The following RBM26 variants were observed in gnomAD, a reference collection of about 807,000 sequenced individuals.
The protein encoded by RBM26 is RNA binding motif protein 26.
A neutral mutation model predicts 123.6 loss-of-function variants in RBM26; 30 were observed. The ratio of observed to expected loss-of-function variants is 0.24; its 90% CI spans 0.18 to 0.33. RBM26 has a LOEUF of 0.33. Ranked by LOEUF, RBM26 falls within the 10% of genes least tolerant of loss-of-function variation. The probability of loss-of-function intolerance (pLI) is 1.00; values close to 1 mark genes in which losing one functional copy is unlikely to be tolerated. For synonymous variants in RBM26, 400 were observed against 404.4 expected (o/e 0.99, Z 0.13); for missense variants, 947 against 1,203.6 (o/e 0.79, Z 3.15).
intron 9 of RBM26, among the ~76,000 whole-genome samples, chr13:79,365,127 G>A (rs1264024718): frequency 6.6e-6 from 1 of 152,086 alleles, no homozygotes; most frequent in Non-Finnish European, 1.5e-5. Context: ...ACGGGGGAAC[G>A]AAGGATACAG....
intron 11 of RBM26, among the ~76,000 whole-genome samples, chr13:79,356,896 GTTAA>G (rs893390219): frequency 4.5e-4 from 69 of 152,246 alleles, no homozygotes; most frequent in African/African-American, 1.6e-3. Flanking sequence ...TACCAGTGTA[GTTAA>G]TTGTGTGAAG....
At chr13:79,314,982 G>A, downstream of RBM26, 1 of 1,301,106 alleles carries the variant, frequency 7.7e-7, no homozygotes, top group Non-Finnish European at 1.0e-6. Flanking sequence ...AGGCAATGAT[G>A]ATCTCTCTCT....
intron 1 of RBM26, among the ~76,000 whole-genome samples, chr13:79,394,211 T>C (rs767018309): frequency 6.6e-6 from 1 of 152,212 alleles, no homozygotes; most frequent in Non-Finnish European, 1.5e-5. Flanking sequence ...TCCTTACGAC[T>C]TACCATATGC....
At chr13:79,349,385 A>G (rs548674227) in intron 14 of RBM26, among the ~76,000 whole-genome samples, 7 of 152,292 alleles carry the variant, frequency 4.6e-5, no homozygotes, top group African/African-American at 7.2e-5. Flanking sequence ...CTCTGCTTCT[A>G]TGAGTTCAAC....
intron 1 of RBM26, among the ~76,000 whole-genome samples, chr13:79,379,298 C>A (rs2076890038): frequency 6.7e-6 from 1 of 148,626 alleles, no homozygotes; most frequent in African/African-American, 2.5e-5. Context: ...CCTTGGGAGA[C>A]CTAGGCGGGC....
Position 79,320,600 on chromosome 13 carries a change from G to A in RBM26, c.*21C>T, listed in dbSNP as rs754606662. On this transcript the variant is annotated 3_prime_UTR_variant, in exon 22 of 22. Coordinates refer to ENST00000438737, the MANE Select transcript of RBM26 (RefSeq NM_001366735.2). ...AAACACAGGTAGAGTTCTAGCATAT[G>A]CAGATCAATGATCAGTCAAATCATC... 1.3e-6 allele frequency: 2 copies of A among 1,570,220 alleles called. No individual in the cohort carries two copies. Among genetic ancestry groups the A allele is most frequent in the Admixed American group, 4.0e-5 (2 of 50,616 alleles).
chr13:79,318,848 A>T, downstream of RBM26: 1 of 976,474 alleles, frequency 1.0e-6, no homozygotes. Context: ...AAGAAACGTG[A>T]GCCTCTGCCA....
In RBM26 at chr13:79,328,683, TA is replaced by T. The variant is rs747906560; in HGVS notation, c.2820+5660del. The stretch of plus-strand genomic sequence containing the variant: ...ATATACAAAGAGCCCCTGCATTAAG[TA>T]AAAAAAAAAAAAAAAAAAAAAAAGA... On this transcript the variant is annotated intron_variant, in intron 20 of 21. Coordinates refer to ENST00000438737, the MANE Select transcript of RBM26 (RefSeq NM_001366735.2). Among the ~76,000 whole-genome samples, 261 of 38,476 alleles carry T rather than the reference TA, an allele frequency of 6.8e-3. 2 individuals carry two copies. In the East Asian group the frequency reaches 0.069, roughly 10 times the overall value. 25.2% of individuals were successfully genotyped at this position (38,476 alleles called of 152,430 possible). A position where few individuals can be genotyped will look rare whatever the true frequency, so the allele number is the denominator to read the frequency against.
At chr13:79,377,981 C>A (rs1329697730) in intron 2 of RBM26, among the ~76,000 whole-genome samples, 2 of 152,138 alleles carry the variant, frequency 1.3e-5, no homozygotes, top group African/African-American at 2.4e-5. Context: ...AGCTTCCCAA[C>A]CAGTGTGCCA....
intron 1 of RBM26, among the ~76,000 whole-genome samples, chr13:79,392,072 CAATAATACATA>C (rs2078076737): frequency 1.5e-5 from 2 of 129,062 alleles, no homozygotes; most frequent in Admixed American, 8.0e-5. Context: ...ATGTATTATA[CAATAATACATA>C]ATTATATAAT....
chr13:79,339,549 T>A (rs1333170029), intron 18 of RBM26, among the ~76,000 whole-genome samples: 4 of 152,100 alleles, frequency 2.6e-5, no homozygotes, highest in Non-Finnish European at 5.9e-5. Flanking sequence ...TTTGTCAATA[T>A]AACAAAATAA....
intron 1 of RBM26, among the ~76,000 whole-genome samples, chr13:79,395,088 CTTA>C (rs2078439960): frequency 6.6e-6 from 1 of 152,184 alleles, no homozygotes; most frequent in Non-Finnish European, 1.5e-5. Context: ...GGCATGCCCC[CTTA>C]CTGAAAATAA....
At chr13:79,404,010 C>A (rs1310251646) in intron 1 of RBM26, among the ~76,000 whole-genome samples, 1 of 152,170 alleles carries the variant, frequency 6.6e-6, no homozygotes, top group Non-Finnish European at 1.5e-5. Flanking sequence ...CCTACCTACA[C>A]ACTTTTTCTA....
At chr13:79,401,424 T>C (rs1432254109) in intron 1 of RBM26, among the ~76,000 whole-genome samples, 1 of 152,198 alleles carries the variant, frequency 6.6e-6, no homozygotes, top group East Asian at 1.9e-4. Context: ...CACACAGCTC[T>C]AGAGTCAAAA....
intron 1 of RBM26, among the ~76,000 whole-genome samples, chr13:79,382,210 TA>T (rs910508570): frequency 3.7e-4 from 56 of 152,212 alleles, no homozygotes; most frequent in Admixed American, 2.7e-3. Flanking sequence ...ATTAACTAAT[TA>T]AAAAAACTAT....
Position 79,358,284 on chromosome 13 carries a change from A to G in RBM26, c.1679T>C (p.Val560Ala). 1 of 1,603,030 alleles carries G rather than the reference A, an allele frequency of 6.2e-7. No individual in the cohort carries two copies. Among genetic ancestry groups the G allele is most frequent in the Non-Finnish European group, 8.5e-7 (1 of 1,176,514 alleles). ...TTTCATGGCTCTTACCTGTAAGTTAACCAAGGTTCCAAATCGACTAAAATG... is the reference window on the plus strand; with the variant it reads ...TTTCATGGCTCTTACCTGTAAGTTAGCCAAGGTTCCAAATCGACTAAAATG... The part of the protein sequence containing the change: ...NEHFSRFGTL[V>A]NLQVAYNGDP... The change falls in exon 11 of 22, where the codon GTT becomes GCT. Residue 560 changes from valine to alanine, a missense_variant. Physicochemically the swap from Val to Ala is moderately conservative, Grantham distance 64. Transcript: ENST00000438737.
At chr13:79,402,084 G>A (rs963581779) in intron 1 of RBM26, among the ~76,000 whole-genome samples, 1 of 149,354 alleles carries the variant, frequency 6.7e-6, no homozygotes, top group African/African-American at 2.5e-5. Flanking sequence ...AAATACAGTA[G>A]AAAGTGTTTT....
At chr13:79,354,403 C>T (rs2073706551) in intron 13 of RBM26, 36 bp downstream of exon 13, 1 of 1,442,644 alleles carries the variant, frequency 6.9e-7, no homozygotes, top group Non-Finnish European at 9.2e-7. Context: ...TTACTGAGAA[C>T]CTATTACGGG....
chr13:79,383,421 AAG>A (rs139108178), intron 1 of RBM26, among the ~76,000 whole-genome samples: 2 of 152,220 alleles, frequency 1.3e-5, no homozygotes, highest in African/African-American at 2.4e-5. Flanking sequence ...AATAGTTACT[AAG>A]AGAGAGAATA....
Sources: gnomAD v4.1 joint callset for allele counts (sites outside exome capture counted in the v4.1 genomes callset) on GRCh38, gnomAD v4.1.1 for gene constraint, MANE v1.5 for transcripts, NCBI Gene and HGNC (gene_info 2026-07-23, HGNC 2026-07-21) for gene names.